RPS6KC1: variants seen among roughly 807,000 people sequenced by gnomAD.
RPS6KC1 encodes inactive ribosomal protein S6 kinase delta-1.
RPS6KC1 carries 54 observed loss-of-function variants against 103.8 expected under a neutral mutation model. The ratio of observed to expected loss-of-function variants is 0.52; its 90% CI spans 0.42 to 0.65. RPS6KC1 has a LOEUF of 0.65. RPS6KC1 is among the 30% of genes least tolerant of loss of function. The probability of loss-of-function intolerance (pLI) is 0.00; values close to 1 mark genes in which losing one functional copy is unlikely to be tolerated. For synonymous variants in RPS6KC1, 439 were observed against 438.7 expected, an observed-to-expected ratio of 1.00 and a Z score of -0.01; for missense variants, 1,151 against 1,253.8, an observed-to-expected ratio of 0.92 and a Z score of 1.24.
At chr1:213,464,958 G>A in the RPS6KC1 span, among the ~76,000 whole-genome samples, 1 of 151,932 alleles carries the variant, frequency 6.6e-6, no homozygotes, top group Non-Finnish European at 1.5e-5. Context: ...CCTTCTTTAG[G>A]CATTGCCCTC....
At chr1:213,469,027 T>C in the RPS6KC1 span, among the ~76,000 whole-genome samples, 9 of 152,312 alleles carry the variant, frequency 5.9e-5, no homozygotes, top group Non-Finnish European at 1.2e-4. Context: ...TCCTAAAATA[T>C]ACCCCTTTTG....
At chr1:213,845,782 A>C in the RPS6KC1 span, among the ~76,000 whole-genome samples, 1 of 152,168 alleles carries the variant, frequency 6.6e-6, no homozygotes, top group African/African-American at 2.4e-5. Context: ...TCTGTGCCTC[A>C]ATTTTCACAT....
At chr1:213,853,341 C>T in the RPS6KC1 span, among the ~76,000 whole-genome samples, 5 of 152,328 alleles carry the variant, frequency 3.3e-5, no homozygotes, top group East Asian at 9.6e-4. Context: ...TTCTCTGGAC[C>T]ATGAGCGCCT....
intron 7 of RPS6KC1, among the ~76,000 whole-genome samples, chr1:213,175,317 C>G (rs973054801): frequency 3.3e-5 from 5 of 152,210 alleles, no homozygotes; most frequent in African/African-American, 7.2e-5. Context: ...TGTACAGGAA[C>G]TTCAAGTATC....
intron 5 of RPS6KC1, among the ~76,000 whole-genome samples, chr1:213,123,260 G>A (rs1199063823): frequency 1.3e-5 from 2 of 152,142 alleles, no homozygotes; most frequent in African/African-American, 2.4e-5. Context: ...TGGGCTTGAT[G>A]TCCTGGAGGC....
the RPS6KC1 span, among the ~76,000 whole-genome samples, chr1:213,466,744 T>G: frequency 6.6e-6 from 1 of 152,254 alleles, no homozygotes; most frequent in South Asian, 2.1e-4. Context: ...GTTCAGAGTC[T>G]TAGACTCCTC....
chr1:213,733,553 T>G, the RPS6KC1 span, among the ~76,000 whole-genome samples: 6 of 151,566 alleles, frequency 4.0e-5, no homozygotes, highest in South Asian at 1.2e-3. Context: ...AGTTTGTTTT[T>G]TTTTTTTTTT....
At chr1:213,234,299 C>A (rs2094175301) in intron 10 of RPS6KC1, among the ~76,000 whole-genome samples, 1 of 152,072 alleles carries the variant, frequency 6.6e-6, no homozygotes, top group African/African-American at 2.4e-5. Context: ...GGGTGAGCCA[C>A]CACGCCAGGC....
the RPS6KC1 span, among the ~76,000 whole-genome samples, chr1:213,615,030 TG>T: frequency 6.6e-6 from 1 of 152,168 alleles, no homozygotes; most frequent in Non-Finnish European, 1.5e-5. Flanking sequence ...TTTATATCAT[TG>T]TGTGTGTGTC....
chr1:213,423,232 C>T, the RPS6KC1 span, among the ~76,000 whole-genome samples: 1 of 152,196 alleles, frequency 6.6e-6, no homozygotes, highest in East Asian at 1.9e-4. Context: ...CCTCTGAGCC[C>T]TGGATGCTGG....
At chr1:213,748,275 G>A in the RPS6KC1 span, among the ~76,000 whole-genome samples, 1 of 152,164 alleles carries the variant, frequency 6.6e-6, no homozygotes, top group South Asian at 2.1e-4. Flanking sequence ...GACATTTCTA[G>A]GGTCTCTTTC....
chr1:213,669,840 T>C, the RPS6KC1 span, among the ~76,000 whole-genome samples: 1 of 152,140 alleles, frequency 6.6e-6, no homozygotes, highest in Admixed American at 6.5e-5. Flanking sequence ...TTCTTCTAAC[T>C]CCCAAGTGCA....
the RPS6KC1 span, among the ~76,000 whole-genome samples, chr1:213,411,187 G>T: frequency 6.6e-6 from 1 of 152,262 alleles, no homozygotes; most frequent in South Asian, 2.1e-4. Context: ...TTTACGGAAG[G>T]CCTTCTTAAT....
the RPS6KC1 span, among the ~76,000 whole-genome samples, chr1:213,541,976 C>T: frequency 1.3e-5 from 2 of 152,208 alleles, no homozygotes; most frequent in African/African-American, 4.8e-5. Context: ...CTTGAGATTT[C>T]TCCCTTAGCC....
chr1:213,433,128 T>G, the RPS6KC1 span, among the ~76,000 whole-genome samples: 2 of 152,202 alleles, frequency 1.3e-5, no homozygotes, highest in African/African-American at 4.8e-5. Context: ...GTCTGTTTCC[T>G]GGCCTTTTCC....
intron 12 of RPS6KC1, among the ~76,000 whole-genome samples, chr1:213,249,543 C>T (rs147044241): frequency 2.0e-5 from 3 of 152,300 alleles, no homozygotes; most frequent in East Asian, 1.9e-4. Context: ...CGCAAGCAAG[C>T]GAGAGAGCTA....
At chr1:213,665,867 A>T in the RPS6KC1 span, among the ~76,000 whole-genome samples, 1 of 152,216 alleles carries the variant, frequency 6.6e-6, no homozygotes, top group Non-Finnish European at 1.5e-5. Context: ...AATAAGAAAG[A>T]CTGGTATGTA....
chr1:213,073,200 C>T (rs1254457388), intron 2 of RPS6KC1, among the ~76,000 whole-genome samples: 7 of 152,190 alleles, frequency 4.6e-5, no homozygotes, highest in Non-Finnish European at 1.0e-4. Flanking sequence ...CTTCCTTTCA[C>T]TTTCCCTCTC....
At chr1:213,475,101 T>C in the RPS6KC1 span, among the ~76,000 whole-genome samples, 43 of 152,280 alleles carry the variant, frequency 2.8e-4, no homozygotes, top group African/African-American at 9.9e-4. Context: ...GCAAAGTGAG[T>C]GATTGCGGGG....
Sources: allele counts gnomAD v4.1 joint callset (sites outside exome capture counted in the v4.1 genomes callset), GRCh38; gene constraint gnomAD v4.1.1; transcripts MANE v1.5; gene names NCBI Gene and HGNC (gene_info 2026-07-23, HGNC 2026-07-21).